The following PDS5B variants were observed in gnomAD, a reference collection of about 807,000 sequenced individuals.
PDS5B encodes the protein sister chromatid cohesion protein PDS5 homolog B.
In PDS5B, 51 loss-of-function variants were observed where a neutral mutation model predicts 184.1. The observed-to-expected ratio is 0.28, with a 90% CI of 0.22 to 0.35. The LOEUF (loss-of-function observed/expected upper bound fraction) is 0.35. Ranked by LOEUF, PDS5B falls within the 10% of genes least tolerant of loss-of-function variation. PDS5B has a pLI of 1.00. For synonymous variants in PDS5B, 566 were observed against 569.2 expected, an observed-to-expected ratio of 0.99 and a Z score of 0.08; for missense variants, 1,180 against 1,723.3, an observed-to-expected ratio of 0.68 and a Z score of 5.58.
intron 1 of PDS5B, among the ~76,000 whole-genome samples, chr13:32,639,487 G>GT (rs1249088326): frequency 6.6e-6 from 1 of 152,104 alleles, no homozygotes; most frequent in East Asian, 1.9e-4. Flanking sequence ...TCAAAAAATT[G>GT]TATGTTGAAA....
rs111950734 is a variant in PDS5B at position 32,607,486 on chromosome 13, C to T, written c.-20+20893C>T. On this transcript the variant is annotated intron_variant, in intron 1 of 34. Transcript: ENST00000315596. ...GTCGGCCCCTACTGGGAGGTGTCTC[C>T]AGTTAGGCTACTCGGGGGTCAGGGA... Among the ~76,000 whole-genome samples, 1,148 of 152,328 alleles carry T rather than the reference C, an allele frequency of 7.5e-3. 10 individuals carry two copies. The highest frequency in any genetic ancestry group is 0.025 in the African/African-American group (1,055 of 41,572).
chr13:32,587,180 C>G (rs1426252642), intron 1 of PDS5B, among the ~76,000 whole-genome samples: 3 of 150,156 alleles, frequency 2.0e-5, no homozygotes, highest in Non-Finnish European at 4.5e-5. Flanking sequence ...CCCCCGCCGC[C>G]GGGTCCCCGC....
intron 11 of PDS5B, among the ~76,000 whole-genome samples, chr13:32,685,166 C>T (rs1040334080): frequency 5.9e-5 from 9 of 152,180 alleles, no homozygotes; most frequent in Admixed American, 3.3e-4. Context: ...TTAATACTCT[C>T]GTTGATAATG....
At chr13:32,650,886 A>G (rs1480973757) in intron 2 of PDS5B, among the ~76,000 whole-genome samples, 1 of 152,218 alleles carries the variant, frequency 6.6e-6, no homozygotes, top group Non-Finnish European at 1.5e-5. Flanking sequence ...TTTAACATTG[A>G]TACTTTGTGG....
chr13:32,749,890 A>G (rs779330673), intron 24 of PDS5B, among the ~76,000 whole-genome samples: 1 of 152,140 alleles, frequency 6.6e-6, no homozygotes, highest in African/African-American at 2.4e-5. Flanking sequence ...TGTTTAACCA[A>G]TTATATCCAG....
chr13:32,639,502 C>A (rs2058621068), intron 1 of PDS5B, among the ~76,000 whole-genome samples: 1 of 152,026 alleles, frequency 6.6e-6, no homozygotes, highest in Non-Finnish European at 1.5e-5. Context: ...TTGAAAAAGG[C>A]AGATTTTTGT....
intron 1 of PDS5B, among the ~76,000 whole-genome samples, chr13:32,641,963 T>C (rs978090181): frequency 6.6e-6 from 1 of 152,194 alleles, no homozygotes; most frequent in Non-Finnish European, 1.5e-5. Flanking sequence ...ATTGTATTCC[T>C]AGTACTTAGT....
At chr13:32,768,194 A>G (rs572783054) in intron 31 of PDS5B, among the ~76,000 whole-genome samples, 1 of 152,308 alleles carries the variant, frequency 6.6e-6, no homozygotes, top group Admixed American at 6.5e-5. Context: ...CTGGAAGTAC[A>G]AGATCAAGGT....
At chr13:32,724,133 T>C (rs1952814015) in intron 19 of PDS5B, among the ~76,000 whole-genome samples, 1 of 152,248 alleles carries the variant, frequency 6.6e-6, no homozygotes, top group Non-Finnish European at 1.5e-5. Flanking sequence ...TTGTTGTTGT[T>C]TGTGTCAGGG....
intron 31 of PDS5B, among the ~76,000 whole-genome samples, chr13:32,766,723 C>T (rs1016992086): frequency 1.3e-5 from 2 of 152,110 alleles, no homozygotes; most frequent in Non-Finnish European, 2.9e-5. Context: ...CTTCTAACCT[C>T]GGTTTTATAC....
chr13:32,599,191 T>A (rs1231136637), intron 1 of PDS5B, among the ~76,000 whole-genome samples: 1 of 152,212 alleles, frequency 6.6e-6, no homozygotes, highest in East Asian at 1.9e-4. Context: ...AACATTCATA[T>A]TGAGTAGGAT....
At chr13:32,717,049 C>G (rs1952470632) in intron 19 of PDS5B, among the ~76,000 whole-genome samples, 1 of 143,586 alleles carries the variant, frequency 7.0e-6, no homozygotes. Context: ...GGCCAGCCGC[C>G]TCGTCCGGGA....
intron 3 of PDS5B, 136 bp downstream of exon 3, chr13:32,652,143 A>ATT: frequency 6.6e-5 from 37 of 556,410 alleles, no homozygotes; most frequent in African/African-American, 1.2e-4. Context: ...GCTAAACTTA[A>ATT]TGTTTTTTTT....
chr13:32,587,416 A>C (rs1219229635), intron 1 of PDS5B, among the ~76,000 whole-genome samples: 2 of 152,164 alleles, frequency 1.3e-5, no homozygotes, highest in Non-Finnish European at 1.5e-5. Context: ...ATGGTGTGCA[A>C]TTGTGACTCG....
intron 30 of PDS5B, among the ~76,000 whole-genome samples, chr13:32,763,913 GT>G (rs1297961777): frequency 6.6e-6 from 1 of 152,132 alleles, no homozygotes; most frequent in Admixed American, 6.6e-5. Context: ...CATATAAATA[GT>G]TTTAAAAACT....
At chr13:32,688,095 T>C (rs941269986) in intron 12 of PDS5B, among the ~76,000 whole-genome samples, 1 of 152,104 alleles carries the variant, frequency 6.6e-6, no homozygotes, top group African/African-American at 2.4e-5. Context: ...TGCAAAAGAA[T>C]CTTAAGAGTT....
At chr13:32,662,502 A>G (rs536615754) in intron 6 of PDS5B, among the ~76,000 whole-genome samples, 2 of 152,298 alleles carry the variant, frequency 1.3e-5, no homozygotes, top group African/African-American at 4.8e-5. Flanking sequence ...CATGTATTTT[A>G]GTGATTATAA....
At chr13:32,701,907 C>T (rs1273388748) in intron 17 of PDS5B, among the ~76,000 whole-genome samples, 1 of 152,004 alleles carries the variant, frequency 6.6e-6, no homozygotes, top group Non-Finnish European at 1.5e-5. Flanking sequence ...TTTTTTAAAA[C>T]AACTCTCATT....
intron 19 of PDS5B, among the ~76,000 whole-genome samples, chr13:32,711,459 G>A (rs996314956): frequency 1.3e-5 from 2 of 152,046 alleles, no homozygotes; most frequent in African/African-American, 4.8e-5. Context: ...CCAGGTTCAA[G>A]CAATTCTCCT....
Sources: gnomAD v4.1 joint callset for allele counts (sites outside exome capture counted in the v4.1 genomes callset) on GRCh38, gnomAD v4.1.1 for gene constraint, MANE v1.5 for transcripts, NCBI Gene and HGNC (gene_info 2026-07-23, HGNC 2026-07-21) for gene names.